The following CROT variants were observed in gnomAD, a reference collection of about 807,000 sequenced individuals.
CROT encodes the protein peroxisomal carnitine O-octanoyltransferase.
In CROT, 84 loss-of-function variants were observed where a neutral mutation model predicts 89.2. The ratio of observed to expected loss-of-function variants is 0.94; its 90% CI spans 0.79 to 1.13. CROT has a LOEUF of 1.13. Among genes scored for constraint, CROT ranks in the 50% most tolerant of loss-of-function variants. The probability of loss-of-function intolerance (pLI) is 0.00; values close to 1 mark genes in which losing one functional copy is unlikely to be tolerated. For missense variants in CROT, 711 were observed against 727.8 expected (o/e 0.98, Z 0.27); for synonymous variants, 212 against 239.5 (o/e 0.89, Z 1.06).
At chr7:87,397,135 T>C (rs1584655410) in intron 17 of CROT, among the ~76,000 whole-genome samples, 3 of 152,070 alleles carry the variant, frequency 2.0e-5, no homozygotes, top group Admixed American at 2.0e-4. Context: ...CTAGATCACT[T>C]GAGGCCAGGA....
intron 9 of CROT, among the ~76,000 whole-genome samples, chr7:87,377,084 A>T (rs930331309): frequency 6.6e-6 from 1 of 152,162 alleles, no homozygotes; most frequent in African/African-American, 2.4e-5. Context: ...TTCTGTAAAC[A>T]TTCATGAATA....
chr7:87,361,371 T>G lies in CROT; in HGVS notation c.241-19T>G. ...TGTATTATGAAGAACATTAAGCTGA[T>G]GTTCTCAATTTCTTTTAGCTGGAAG... On this transcript the variant is annotated intron_variant, in intron 4 of 17. Transcript: ENST00000331536. 1 of 1,608,442 alleles carries G rather than the reference T, an allele frequency of 6.2e-7. No homozygotes were observed. The highest frequency in any genetic ancestry group is 8.5e-7 in the Non-Finnish European group (1 of 1,177,168).
chr7:87,362,844 G>A (rs1806327302), intron 6 of CROT, among the ~76,000 whole-genome samples: 1 of 151,888 alleles, frequency 6.6e-6, no homozygotes, highest in Non-Finnish European at 1.5e-5. Context: ...TAGTATGAGG[G>A]GTATGAGCTT....
intron 6 of CROT, among the ~76,000 whole-genome samples, chr7:87,368,726 G>A (rs1211480451): frequency 6.6e-6 from 1 of 152,090 alleles, no homozygotes; most frequent in East Asian, 1.9e-4. Context: ...GATCACATAA[G>A]AAGATCCTTG....
At chr7:87,351,487 G>A (rs920715840) in intron 3 of CROT, among the ~76,000 whole-genome samples, 7 of 150,828 alleles carry the variant, frequency 4.6e-5, no homozygotes, top group Non-Finnish European at 1.0e-4. Context: ...AAGGGAGGCC[G>A]TAGTTTGTGC....
rs565976902 is a variant in CROT at position 87,363,043 on chromosome 7, TAATG to T, written c.547+1192_547+1195del. Among the ~76,000 whole-genome samples, 499 of 152,246 alleles carry T rather than the reference TAATG, an allele frequency of 3.3e-3. 5 individuals carry two copies. Among genetic ancestry groups the T allele is most frequent in the African/African-American group, 0.011 (473 of 41,554 alleles). On this transcript the variant is annotated intron_variant, in intron 6 of 17. Transcript: ENST00000331536. ...ATGGAAAAAATGAACAAGATAAAATTAATGTAAGAAGAGCAATAGCAAAAAGAGA... is the reference window on the plus strand; with the variant it reads ...ATGGAAAAAATGAACAAGATAAAATTTAAGAAGAGCAATAGCAAAAAGAGA...
intron 2 of CROT, among the ~76,000 whole-genome samples, chr7:87,348,732 C>T (rs987325333): frequency 1.3e-5 from 2 of 152,200 alleles, no homozygotes; most frequent in African/African-American, 4.8e-5. Context: ...TCAGAGATAA[C>T]ATAAAAGTTA....
At position 87,353,660 on chromosome 7, in the gene CROT, G is replaced by A. The variant is rs533192394; in HGVS notation, c.115+4477G>A. ...CCTCAGGAACCTTACAATCATGGCA[G>A]AAGGTGAAGCAGGAGCAGGCACTTC... On this transcript the variant is annotated intron_variant, in intron 3 of 17. Coordinates refer to ENST00000331536, the MANE Select transcript of CROT (RefSeq NM_021151.4). 1.2e-4 allele frequency among the ~76,000 whole-genome samples: 18 copies of A among 152,342 alleles called. 1 individual carries two copies. The South Asian group carries it at 2.7e-3, about 23-fold the overall frequency.
At chr7:87,378,241 G>A (rs187538173) in intron 10 of CROT, among the ~76,000 whole-genome samples, 1 of 151,864 alleles carries the variant, frequency 6.6e-6, no homozygotes, top group East Asian at 1.9e-4. Context: ...CTACTTGGGA[G>A]GCTGAGGTCT....
At chr7:87,348,449 C>A (rs1052040707) in intron 2 of CROT, among the ~76,000 whole-genome samples, 2 of 152,184 alleles carry the variant, frequency 1.3e-5, no homozygotes, top group South Asian at 4.1e-4. Context: ...TTTAATTCTA[C>A]AGTTGGACAC....
In CROT at chr7:87,383,733, G is replaced by A. The variant is rs543594587; in HGVS notation, c.1301+1190G>A. On this transcript the variant is annotated intron_variant, in intron 13 of 17. Transcript: ENST00000331536. ...GCTGGTCTCTAACTCCTGAGCTCAG[G>A]TGATCTGCGTGCCTTGGCCTCCCAA... 2.6e-5 allele frequency among the ~76,000 whole-genome samples: 4 copies of A among 152,254 alleles called. No homozygotes were observed. The South Asian group carries it at 6.2e-4, about 24-fold the overall frequency.
intron 3 of CROT, among the ~76,000 whole-genome samples, chr7:87,351,728 G>A (rs1805875524): frequency 6.6e-6 from 1 of 152,138 alleles, no homozygotes. Context: ...GTACCCAAGT[G>A]TGTATTCCCT....
chr7:87,393,202 A>G (rs1807425403), intron 17 of CROT, 135 bp downstream of exon 17: 1 of 995,244 alleles, frequency 1.0e-6, no homozygotes. Flanking sequence ...ATTTTTTTCC[A>G]CTTAGGCATT....
At chr7:87,395,790 C>T (rs2116229597) in intron 17 of CROT, among the ~76,000 whole-genome samples, 1 of 152,258 alleles carries the variant, frequency 6.6e-6, no homozygotes, top group Non-Finnish European at 1.5e-5. Flanking sequence ...AAATGGTCTA[C>T]TTGCCCCCAG....
intron 3 of CROT, among the ~76,000 whole-genome samples, chr7:87,355,981 T>C (rs1324710463): frequency 6.7e-6 from 1 of 149,894 alleles, no homozygotes; most frequent in African/African-American, 2.5e-5. Context: ...TTCCACAATT[T>C]TATTTTATTT....
rs183884243 is a variant in CROT at position 87,388,151 on chromosome 7, C to G, written c.1302-3438C>G. On this transcript the variant is annotated intron_variant, in intron 13 of 17. Transcript: ENST00000331536. ...AGGTACCTCACTTCAAAGAGCTGCT[C>G]TTCTCTCCAGATCTTGACCCTCATA... Among the ~76,000 whole-genome samples, 11 of 152,256 alleles carry G rather than the reference C, an allele frequency of 7.2e-5. No homozygotes were observed. The East Asian group carries it at 1.9e-3, about 27-fold the overall frequency.
intron 3 of CROT, among the ~76,000 whole-genome samples, chr7:87,349,679 T>G (rs987863957): frequency 5.3e-5 from 8 of 152,300 alleles, no homozygotes; most frequent in African/African-American, 1.9e-4. Context: ...TGTAAATATC[T>G]TATGACTGGG....
intron 9 of CROT, 73 bp downstream of exon 9, chr7:87,376,026 GT>G (rs1230098689): frequency 3.5e-6 from 5 of 1,418,466 alleles, no homozygotes; most frequent in African/African-American, 2.9e-5. Context: ...GAACATGGAA[GT>G]TTTTTTTCTT....
intron 6 of CROT, among the ~76,000 whole-genome samples, chr7:87,367,354 A>T (rs955349374): frequency 6.6e-6 from 1 of 152,174 alleles, no homozygotes; most frequent in African/African-American, 2.4e-5. Context: ...AAAAGCTGGA[A>T]AAAGGAAGGA....
Sources: gnomAD v4.1 joint callset for allele counts (sites outside exome capture counted in the v4.1 genomes callset) on GRCh38, gnomAD v4.1.1 for gene constraint, MANE v1.5 for transcripts, NCBI Gene and HGNC (gene_info 2026-07-23, HGNC 2026-07-21) for gene names.